The following TRPC6 variants were observed in gnomAD, a reference collection of about 807,000 sequenced individuals.
The protein encoded by TRPC6 is short transient receptor potential channel 6.
Under a neutral mutation model 90.7 loss-of-function variants are expected in TRPC6, and 55 were observed. The ratio of observed to expected loss-of-function variants is 0.61; its 90% CI spans 0.49 to 0.76. TRPC6 has a LOEUF of 0.76. TRPC6 is among the 30% of genes least tolerant of loss of function. The pLI is 0.00. For synonymous variants in TRPC6, 393 were observed against 393.0 expected (o/e 1.00, Z 0.00); for missense variants, 989 against 1,122.7 (o/e 0.88, Z 1.70).
intron 5 of TRPC6, among the ~76,000 whole-genome samples, chr11:101,477,808 C>T (rs1017324095): frequency 6.6e-6 from 1 of 152,148 alleles, no homozygotes; most frequent in Non-Finnish European, 1.5e-5. Context: ...AAAAGTATGA[C>T]TAACATTTAT....
chr11:101,493,153 A>G (rs1169100324), intron 2 of TRPC6, among the ~76,000 whole-genome samples: 1 of 152,252 alleles, frequency 6.6e-6, no homozygotes, highest in Admixed American at 6.5e-5. Flanking sequence ...AAAGCCTATT[A>G]GCAGGGGTGT....
chr11:101,489,206 T>C, intron 3 of TRPC6, 105 bp from the exon 4 acceptor site: 1 of 1,048,738 alleles, frequency 9.5e-7, no homozygotes, highest in South Asian at 1.4e-5. Context: ...AAATACATTG[T>C]TAGAATTAAA....
chr11:101,460,811 AG>A (rs1158501388), intron 10 of TRPC6, among the ~76,000 whole-genome samples: 2 of 152,228 alleles, frequency 1.3e-5, no homozygotes, highest in East Asian at 3.8e-4. Flanking sequence ...AATATAAAAA[AG>A]AAGTCAGTTG....
intron 1 of TRPC6, among the ~76,000 whole-genome samples, chr11:101,572,665 A>C (rs1861989129): frequency 6.6e-6 from 1 of 152,238 alleles, no homozygotes; most frequent in Admixed American, 6.5e-5. Context: ...ACACCATGGA[A>C]TACTATGCAG....
chr11:101,580,181 C>T (rs7935407), intron 1 of TRPC6, among the ~76,000 whole-genome samples: 4,331 of 152,058 alleles, frequency 0.028, 115 homozygotes, highest in African/African-American at 0.068. Context: ...TTTAGTTGGA[C>T]TGTGTTTTCA....
chr11:101,496,917 T>C (rs1859962849), intron 2 of TRPC6, among the ~76,000 whole-genome samples: 1 of 152,144 alleles, frequency 6.6e-6, no homozygotes, highest in African/African-American at 2.4e-5. Flanking sequence ...ACTTACTGCA[T>C]TTATTTGTTT....
chr11:101,504,118 G>A lies in TRPC6; in HGVS notation c.851C>T (p.Ala284Val). 1.2e-6 allele frequency: 2 copies of A among 1,614,078 alleles called. No individual in the cohort carries two copies. The highest frequency in any genetic ancestry group is 1.7e-6 in the Non-Finnish European group (2 of 1,179,938). ...INAYKGLASP[A>V]YLSLSSEDPV... ...ATCTTCACTAGACAATGACAGGTAA[G>A]CCGGACTTGCCAGGCCTTTATAGGC... Residue 284 changes from alanine to valine, a missense_variant, in exon 2 of 13, where the codon GCT becomes GTT. This residue lies in a region of TRPC6 where 486 missense variants were observed against 591.9 expected (regional missense o/e 0.82). Transcript: ENST00000344327.
chr11:101,495,460 G>A (rs10895119), intron 2 of TRPC6, among the ~76,000 whole-genome samples: 63,349 of 151,730 alleles, frequency 0.42, 14,044 homozygotes, highest in African/African-American at 0.58. Context: ...AAATGATATA[G>A]TATCTTAAAG....
At chr11:101,541,792 T>C (rs563543183) in intron 1 of TRPC6, among the ~76,000 whole-genome samples, 7 of 152,208 alleles carry the variant, frequency 4.6e-5, no homozygotes, top group Non-Finnish European at 1.0e-4. Flanking sequence ...TTCTTAATAA[T>C]TCAAGAGCTA....
chr11:101,577,661 G>C (rs1052092236), intron 1 of TRPC6, among the ~76,000 whole-genome samples: 4 of 152,180 alleles, frequency 2.6e-5, no homozygotes, highest in African/African-American at 4.8e-5. Flanking sequence ...AACGCTCGCT[G>C]CCAGATAGAT....
chr11:101,457,466 T>C (rs1465343293), intron 10 of TRPC6, among the ~76,000 whole-genome samples: 1 of 152,226 alleles, frequency 6.6e-6, no homozygotes, highest in African/African-American at 2.4e-5. Context: ...TCTTTAAAGT[T>C]TCTTATATTG....
intron 10 of TRPC6, among the ~76,000 whole-genome samples, chr11:101,461,364 A>C (rs1046779941): frequency 6.6e-6 from 1 of 152,198 alleles, no homozygotes. Flanking sequence ...CAGGAGTTTG[A>C]GTTCAACACT....
intron 1 of TRPC6, among the ~76,000 whole-genome samples, chr11:101,541,833 T>C (rs1481486010): frequency 1.3e-5 from 2 of 152,200 alleles, no homozygotes; most frequent in African/African-American, 4.8e-5. Context: ...TATATGCATG[T>C]TTAACATTGG....
At chr11:101,531,741 T>C (rs919693972) in intron 1 of TRPC6, among the ~76,000 whole-genome samples, 20 of 152,234 alleles carry the variant, frequency 1.3e-4, no homozygotes, top group Admixed American at 5.9e-4. Flanking sequence ...ACATCCATTG[T>C]TCCCACTTCC....
chr11:101,471,452 C>A, intron 8 of TRPC6, 66 bp from the exon 9 acceptor site: 1 of 1,537,966 alleles, frequency 6.5e-7, no homozygotes, highest in Non-Finnish European at 9.0e-7. Flanking sequence ...ATGCTTTTAA[C>A]ATTGTGTAGC....
intron 2 of TRPC6, among the ~76,000 whole-genome samples, chr11:101,501,080 A>AATAC (rs60962933): frequency 0.16 from 22,974 of 145,920 alleles, 1,940 homozygotes; most frequent in Non-Finnish European, 0.18. Flanking sequence ...AAGGGAGCAA[A>AATAC]ATACATACAT....
chr11:101,509,777 C>A (rs1466419430), intron 1 of TRPC6, among the ~76,000 whole-genome samples: 1 of 151,862 alleles, frequency 6.6e-6, no homozygotes, highest in African/African-American at 2.4e-5. Context: ...ACATATTAAT[C>A]ATATGCAATG....
At chr11:101,555,671 G>C (rs980740920) in intron 1 of TRPC6, among the ~76,000 whole-genome samples, 1 of 152,158 alleles carries the variant, frequency 6.6e-6, no homozygotes. Flanking sequence ...AACTTTTAAT[G>C]TAAAACAGAT....
Position 101,504,629 on chromosome 11 carries a change from C to A in TRPC6, c.340G>T (p.Val114Leu). Residue 114 changes from valine to leucine, a missense_variant, in exon 2 of 13, where the codon GTG becomes TTG. By Grantham distance (32) the Val-to-Leu change is conservative (BLOSUM62 1). Around this residue, in one of 4 missense-constraint regions of TRPC6, gnomAD observed 486 missense variants for 591.9 expected, o/e 0.82. Transcript: ENST00000344327. The part of the protein sequence containing the change: ...DAAEYGNIPV[V>L]RKMLEECHSL... Reference sequence around the variant, plus strand: ...TGGCATTCTTCTAACATCTTCCGCACCACTGGGATGTTACCATATTCAGCT... The same window carrying A: ...TGGCATTCTTCTAACATCTTCCGCAACACTGGGATGTTACCATATTCAGCT... 1 of 1,612,518 alleles carries A rather than the reference C, an allele frequency of 6.2e-7. No individual in the cohort carries two copies. The highest frequency in any genetic ancestry group is 8.5e-7 in the Non-Finnish European group (1 of 1,178,830).
Sources: gnomAD v4.1 joint callset for allele counts (sites outside exome capture counted in the v4.1 genomes callset) on GRCh38, gnomAD v4.1.1 for gene constraint, gnomAD v4.1.1 regional missense constraint, MANE v1.5 for transcripts, NCBI Gene and HGNC (gene_info 2026-07-23, HGNC 2026-07-21) for gene names.